NOVA1: variants seen among roughly 807,000 people sequenced by gnomAD.
NOVA1 encodes RNA-binding protein Nova-1.
A neutral mutation model predicts 38.0 loss-of-function variants in NOVA1; 7 were observed. That is an observed-to-expected ratio of 0.18 (90% CI 0.10 to 0.35). The LOEUF (loss-of-function observed/expected upper bound fraction) is 0.35, where lower values mean the gene tolerates loss of function less well. Ranked by LOEUF, NOVA1 falls within the 10% of genes least tolerant of loss-of-function variation. NOVA1 has a pLI of 1.00. For synonymous variants in NOVA1, 270 were observed against 232.5 expected (o/e 1.16, Z -1.47); for missense variants, 460 against 616.0 (o/e 0.75, Z 2.68).
intron 2 of NOVA1, among the ~76,000 whole-genome samples, chr14:26,568,023 G>A (rs1384567553): frequency 1.3e-5 from 2 of 152,084 alleles, no homozygotes; most frequent in Non-Finnish European, 2.9e-5. Flanking sequence ...TAAAATCAAG[G>A]AAAAGATAAC....
intron 3 of NOVA1, among the ~76,000 whole-genome samples, chr14:26,477,300 T>G (rs2138279259): frequency 6.6e-6 from 1 of 152,218 alleles, no homozygotes; most frequent in South Asian, 2.1e-4. Context: ...TTACTTTGAT[T>G]TTTTTTAAAT....
intron 4 of NOVA1, among the ~76,000 whole-genome samples, chr14:26,465,034 T>C (rs1444840129): frequency 1.3e-5 from 2 of 152,116 alleles, no homozygotes; most frequent in Non-Finnish European, 2.9e-5. Context: ...TAAAATCTAA[T>C]AGACATAACA....
chr14:26,563,528 T>C (rs1309638692), intron 2 of NOVA1, among the ~76,000 whole-genome samples: 1 of 151,848 alleles, frequency 6.6e-6, no homozygotes, highest in Non-Finnish European at 1.5e-5. Context: ...CAGATCAACA[T>C]AGCCCTATGA....
At chr14:26,569,471 C>T (rs916328510) in intron 2 of NOVA1, among the ~76,000 whole-genome samples, 7 of 152,122 alleles carry the variant, frequency 4.6e-5, no homozygotes, top group Non-Finnish European at 8.8e-5. Flanking sequence ...TTAAATATTT[C>T]TTGGCAACAA....
At chr14:26,470,610 G>A (rs1884513685) in intron 4 of NOVA1, 5 of 668,222 alleles carry the variant, frequency 7.5e-6, no homozygotes, top group African/African-American at 1.8e-5. Context: ...ATTTGGCAAG[G>A]GTAAATGTAG....
At chr14:26,472,196 A>C (rs931755613) in intron 4 of NOVA1, 124 bp downstream of exon 4, 2 of 636,832 alleles carry the variant, frequency 3.1e-6, no homozygotes, top group Non-Finnish European at 5.8e-6. Flanking sequence ...GGTTATTTGG[A>C]ATCTGACTAT....
chr14:26,567,705 T>C (rs1302641300), intron 2 of NOVA1, among the ~76,000 whole-genome samples: 4 of 152,324 alleles, frequency 2.6e-5, no homozygotes, highest in African/African-American at 7.2e-5. Context: ...GTTTCATTTC[T>C]AGTCTTCTGC....
At chr14:26,583,674 A>G (rs1893349638) in intron 2 of NOVA1, among the ~76,000 whole-genome samples, 1 of 151,536 alleles carries the variant, frequency 6.6e-6, no homozygotes, top group Non-Finnish European at 1.5e-5. Flanking sequence ...TCTGAATTTG[A>G]TAAGGGTATT....
intron 4 of NOVA1, among the ~76,000 whole-genome samples, chr14:26,466,298 C>A (rs535539170): frequency 6.6e-6 from 1 of 152,028 alleles, no homozygotes; most frequent in Non-Finnish European, 1.5e-5. Flanking sequence ...TTTTACTCAG[C>A]GAAACGGTAA....
intron 2 of NOVA1, among the ~76,000 whole-genome samples, chr14:26,554,128 G>GA (rs373999714): frequency 0.024 from 1,650 of 67,866 alleles, 4 homozygotes; most frequent in Middle Eastern, 0.047. Context: ...CAGCACGGGT[G>GA]AAAAAAAAAA....
chr14:26,459,775 T>C (rs1883499230), intron 4 of NOVA1, among the ~76,000 whole-genome samples: 1 of 152,024 alleles, frequency 6.6e-6, no homozygotes, highest in Admixed American at 6.6e-5. Flanking sequence ...CTAAGTAACA[T>C]TGGAAGTAAA....
intron 2 of NOVA1, among the ~76,000 whole-genome samples, chr14:26,528,782 T>A (rs1482953297): frequency 6.6e-6 from 1 of 152,214 alleles, no homozygotes; most frequent in Non-Finnish European, 1.5e-5. Context: ...TTTAGCCGAA[T>A]CCTACTATTG....
At chr14:26,576,332 T>C (rs1472909920) in intron 2 of NOVA1, among the ~76,000 whole-genome samples, 4 of 151,766 alleles carry the variant, frequency 2.6e-5, no homozygotes, top group African/African-American at 9.7e-5. Flanking sequence ...ACATGATGTT[T>C]TGATACGCAT....
At chr14:26,520,512 C>CA (rs1322682842) in intron 2 of NOVA1, among the ~76,000 whole-genome samples, 2 of 152,118 alleles carry the variant, frequency 1.3e-5, no homozygotes, top group African/African-American at 4.8e-5. Context: ...AAGTCAACAA[C>CA]AAAAAGCACA....
chr14:26,462,512 G>T (rs1410492762), intron 4 of NOVA1, among the ~76,000 whole-genome samples: 2 of 152,090 alleles, frequency 1.3e-5, no homozygotes, highest in African/African-American at 4.8e-5. Context: ...CTCATAATAG[G>T]TCTATTAATT....
intron 2 of NOVA1, among the ~76,000 whole-genome samples, chr14:26,511,286 GATT>G (rs1412866651): frequency 2.6e-5 from 4 of 151,976 alleles, no homozygotes; most frequent in Non-Finnish European, 1.5e-5. Context: ...AATTATTTCA[GATT>G]ATTTGATGAA....
intron 2 of NOVA1, among the ~76,000 whole-genome samples, chr14:26,557,075 T>C (rs1329095749): frequency 6.6e-6 from 1 of 152,140 alleles, no homozygotes; most frequent in African/African-American, 2.4e-5. Flanking sequence ...TCTGTACACA[T>C]TTCTCCTCTT....
rs2138294907 is a variant in NOVA1 at position 26,480,065 on chromosome 14, A to T, written c.359T>A (p.Ile120Asn). 1.9e-6 allele frequency: 3 copies of T among 1,613,812 alleles called. No homozygotes were observed. The highest frequency in any genetic ancestry group is 1.6e-4 in the Middle Eastern group (1 of 6,062). ...GGCCACATTTTGGGGCATTTCTCGAATTTTTTCTGCAATGAATCCATGAAC... is the reference window on the plus strand; with the variant it reads ...GGCCACATTTTGGGGCATTTCTCGATTTTTTTCTGCAATGAATCCATGAAC... ...NAVHGFIAEK[I>N]REMPQNVAKT... Residue 120 changes from isoleucine (I) to asparagine (N), a missense_variant, in exon 3 of 5, where the codon ATT (isoleucine) becomes AAT (asparagine). By Grantham distance (149) the Ile-to-Asn change is moderately radical. Coordinates refer to ENST00000539517, the MANE Select transcript of NOVA1 (RefSeq NM_002515.3).
chr14:26,499,166 G>A (rs531142618), intron 2 of NOVA1, among the ~76,000 whole-genome samples: 2 of 152,238 alleles, frequency 1.3e-5, no homozygotes, highest in East Asian at 3.9e-4. Context: ...TGAGATTACA[G>A]CTGCTCTTGC....
Sources: gnomAD v4.1 joint callset for allele counts (sites outside exome capture counted in the v4.1 genomes callset) on GRCh38, gnomAD v4.1.1 for gene constraint, MANE v1.5 for transcripts, NCBI Gene and HGNC (gene_info 2026-07-23, HGNC 2026-07-21) for gene names.